DPP10: variants seen among roughly 807,000 people sequenced by gnomAD.
The protein encoded by DPP10 is dipeptidyl peptidase like 10, also known as inactive dipeptidyl peptidase 10.
In DPP10, 33 loss-of-function variants were observed where a neutral mutation model predicts 120.9. That is an observed-to-expected ratio of 0.27 (90% CI 0.21 to 0.37). The LOEUF (loss-of-function observed/expected upper bound fraction) is 0.37. Among genes scored for constraint, DPP10 ranks in the 10% least tolerant of loss-of-function variants. The probability of loss-of-function intolerance (pLI) is 1.00; values close to 1 mark genes in which losing one functional copy is unlikely to be tolerated. For missense variants in DPP10, 816 were observed against 942.8 expected, an observed-to-expected ratio of 0.87 and a Z score of 1.76; for synonymous variants, 337 against 326.1, an observed-to-expected ratio of 1.03 and a Z score of -0.36.
chr2:115,753,984 T>A (rs543787691), intron 11 of DPP10, among the ~76,000 whole-genome samples: 8 of 152,308 alleles, frequency 5.3e-5, no homozygotes, highest in African/African-American at 1.7e-4. Context: ...CCTGACTAGC[T>A]TTTCTGTTAT....
At chr2:115,807,599 C>T (rs936156175) in intron 19 of DPP10, among the ~76,000 whole-genome samples, 11 of 151,968 alleles carry the variant, frequency 7.2e-5, no homozygotes, top group African/African-American at 2.7e-4. Flanking sequence ...AGATAAAGAG[C>T]AAAATAGTAT....
At chr2:115,449,381 T>A (rs1443712559) in intron 3 of DPP10, among the ~76,000 whole-genome samples, 1 of 151,984 alleles carries the variant, frequency 6.6e-6, no homozygotes, top group East Asian at 1.9e-4. Context: ...TAAACAAAAA[T>A]GAGGAGTCTA....
At chr2:114,870,293 T>A (rs930531260) in intron 1 of DPP10, among the ~76,000 whole-genome samples, 7 of 152,190 alleles carry the variant, frequency 4.6e-5, no homozygotes, top group African/African-American at 1.7e-4. Context: ...TTCATAAGGT[T>A]TTTGTAAGAA....
intron 1 of DPP10, among the ~76,000 whole-genome samples, chr2:115,270,230 G>A (rs1019981974): frequency 6.6e-6 from 1 of 152,038 alleles, no homozygotes; most frequent in African/African-American, 2.4e-5. Context: ...GAAAAATTGG[G>A]TATGGATGTA....
intron 3 of DPP10, among the ~76,000 whole-genome samples, chr2:115,348,122 G>A (rs2106284473): frequency 1.3e-5 from 2 of 152,238 alleles, no homozygotes; most frequent in South Asian, 4.1e-4. Flanking sequence ...ACTGCTCAGA[G>A]GCCTTCCAAT....
chr2:115,104,040 A>G (rs1228445486), intron 1 of DPP10, among the ~76,000 whole-genome samples: 2 of 152,214 alleles, frequency 1.3e-5, no homozygotes, highest in Non-Finnish European at 2.9e-5. Flanking sequence ...AATATCTTAT[A>G]CAATATTTAA....
intron 1 of DPP10, among the ~76,000 whole-genome samples, chr2:114,687,253 C>G (rs1390614711): frequency 1.3e-5 from 2 of 151,868 alleles, no homozygotes; most frequent in African/African-American, 4.8e-5. Flanking sequence ...GAGCATTATT[C>G]TTTCTGGCTG....
rs1678076014 is a variant in DPP10 at position 114,741,657 on chromosome 2, G to T, written c.60+298819G>T. ...GCAGATGCACTCAAGTTCAGATGAG[G>T]TCATTAGGGAGTCTCTAATCCAATG... On this transcript the variant is annotated intron_variant, in intron 1 of 25. Transcript: ENST00000410059. 2.0e-5 allele frequency among the ~76,000 whole-genome samples: 3 copies of T among 152,138 alleles called. No homozygotes were observed. The South Asian group carries it at 6.2e-4, about 32-fold the overall frequency.
chr2:114,886,082 C>T (rs946342429), intron 1 of DPP10, among the ~76,000 whole-genome samples: 2 of 152,224 alleles, frequency 1.3e-5, no homozygotes, highest in South Asian at 2.1e-4. Flanking sequence ...TGAATTTAAT[C>T]AAATGATCTT....
At chr2:115,214,989 A>C (rs547541657) in intron 1 of DPP10, among the ~76,000 whole-genome samples, 5 of 152,336 alleles carry the variant, frequency 3.3e-5, no homozygotes, top group African/African-American at 1.2e-4. Flanking sequence ...GATAGGACAC[A>C]AATTGGGAAA....
intron 1 of DPP10, among the ~76,000 whole-genome samples, chr2:115,169,526 G>T (rs1159425123): frequency 6.6e-6 from 1 of 151,988 alleles, no homozygotes; most frequent in Non-Finnish European, 1.5e-5. Context: ...AAATGAATTC[G>T]TGACAACTTG....
chr2:114,560,217 G>A (rs550746962), intron 1 of DPP10, among the ~76,000 whole-genome samples: 24 of 152,340 alleles, frequency 1.6e-4, no homozygotes, highest in Admixed American at 1.4e-3. Context: ...CCCTGTGGGA[G>A]TTGGGAGGAG....
In DPP10 at chr2:114,442,715, G is replaced by C; in HGVS notation, c.-64G>C. 1 of 1,597,422 alleles carries C rather than the reference G, an allele frequency of 6.3e-7. No individual in the cohort carries two copies. ...GCCCCTACTGAAGTCCAATAGAGGA[G>C]ACTTGATCTCTAGTTCATTCTGGAA... On this transcript the variant is annotated 5_prime_UTR_variant, in exon 1 of 26. Transcript: ENST00000410059.
At chr2:114,832,546 T>C (rs987213925) in intron 1 of DPP10, among the ~76,000 whole-genome samples, 7 of 152,120 alleles carry the variant, frequency 4.6e-5, no homozygotes, top group African/African-American at 1.7e-4. Context: ...AATAAATAAA[T>C]AAATAAATGA....
At chr2:114,774,303 C>T (rs1681535583) in intron 1 of DPP10, among the ~76,000 whole-genome samples, 1 of 151,960 alleles carries the variant, frequency 6.6e-6, no homozygotes, top group Admixed American at 6.6e-5. Context: ...GCACTACATT[C>T]CATAACCAAC....
At chr2:114,505,592 T>C (rs1340948789) in intron 1 of DPP10, among the ~76,000 whole-genome samples, 6 of 152,112 alleles carry the variant, frequency 3.9e-5, no homozygotes, top group Admixed American at 3.9e-4. Flanking sequence ...TGAGGTGGCA[T>C]GTCCTGAACT....
intron 7 of DPP10, among the ~76,000 whole-genome samples, chr2:115,702,372 A>C (rs2091927738): frequency 6.6e-6 from 1 of 152,062 alleles, no homozygotes; most frequent in Non-Finnish European, 1.5e-5. Context: ...AGTTCCCACA[A>C]ACTTTGTACG....
intron 1 of DPP10, among the ~76,000 whole-genome samples, chr2:115,201,760 A>G (rs2055742701): frequency 6.6e-6 from 1 of 152,154 alleles, no homozygotes; most frequent in Non-Finnish European, 1.5e-5. Context: ...CTCCTTCCAC[A>G]GTGGAGCAGT....
At chr2:115,716,936 T>C (rs1411470619) in intron 7 of DPP10, among the ~76,000 whole-genome samples, 1 of 152,242 alleles carries the variant, frequency 6.6e-6, no homozygotes, top group African/African-American at 2.4e-5. Flanking sequence ...GAATTTCTTC[T>C]AGTGTCCCTC....
Sources: allele counts gnomAD v4.1 joint callset (sites outside exome capture counted in the v4.1 genomes callset), GRCh38; gene constraint gnomAD v4.1.1; transcripts MANE v1.5; gene names NCBI Gene and HGNC (gene_info 2026-07-23, HGNC 2026-07-21).